Variants in TTC39C observed in about 807,000 individuals in gnomAD.
TTC39C encodes the protein tetratricopeptide repeat domain 39C.
TTC39C carries 33 observed loss-of-function variants against 76.3 expected under a neutral mutation model. That is an observed-to-expected ratio of 0.43 (90% CI 0.33 to 0.58). TTC39C has a LOEUF of 0.58. Among genes scored for constraint, TTC39C ranks in the 20% least tolerant of loss-of-function variants. The pLI is 0.04. For missense variants in TTC39C, 595 were observed against 701.4 expected (o/e 0.85, Z 1.71); for synonymous variants, 254 against 260.6 (o/e 0.97, Z 0.24).
At chr18:24,023,618 G>C (rs547336528) in intron 1 of TTC39C, among the ~76,000 whole-genome samples, 7 of 152,104 alleles carry the variant, frequency 4.6e-5, no homozygotes, top group Middle Eastern at 6.8e-3. Flanking sequence ...GTACCCCTAG[G>C]GGGTGGTGCT....
intron 1 of TTC39C, chr18:24,022,983 C>A: frequency 1.5e-6 from 1 of 667,138 alleles, no homozygotes; most frequent in Non-Finnish European, 1.9e-6. Flanking sequence ...ATCTGCCTGT[C>A]TGCATGAGAG....
At chr18:24,043,262 T>C (rs1246760039) in intron 1 of TTC39C, among the ~76,000 whole-genome samples, 1 of 152,270 alleles carries the variant, frequency 6.6e-6, no homozygotes, top group African/African-American at 2.4e-5. Flanking sequence ...TTTGGGAGGC[T>C]GAGGTGGGAG....
intron 4 of TTC39C, among the ~76,000 whole-genome samples, chr18:24,075,747 C>T (rs770564559): frequency 5.3e-5 from 8 of 151,708 alleles, no homozygotes; most frequent in Non-Finnish European, 1.2e-4. Flanking sequence ...AAAGGCAAGC[C>T]TGAATTGCCA....
chr18:24,070,341 CCTTA>C (rs1432421929), intron 4 of TTC39C, among the ~76,000 whole-genome samples: 16 of 152,158 alleles, frequency 1.1e-4, no homozygotes, highest in African/African-American at 3.9e-4. Context: ...TCTAACAATA[CCTTA>C]CTTATATGGT....
At chr18:24,063,657 A>G (rs2084129178) in intron 1 of TTC39C, among the ~76,000 whole-genome samples, 1 of 151,532 alleles carries the variant, frequency 6.6e-6, no homozygotes, top group Non-Finnish European at 1.5e-5. Context: ...GGGATTACAG[A>G]CACCCGCCAC....
chr18:24,024,227 G>T (rs2083569683), intron 1 of TTC39C, among the ~76,000 whole-genome samples: 3 of 149,902 alleles, frequency 2.0e-5, no homozygotes, highest in African/African-American at 7.4e-5. Context: ...TGGTCAGGCT[G>T]GTCTTGAACG....
At chr18:24,123,975 C>A in intron 9 of TTC39C, 32 bp downstream of exon 9, 1 of 1,498,770 alleles carries the variant, frequency 6.7e-7, no homozygotes, top group Non-Finnish European at 9.1e-7. Flanking sequence ...TGGTGTATTA[C>A]TTATGATGGG....
At chr18:24,019,460 C>A (rs56709860) in intron 1 of TTC39C, among the ~76,000 whole-genome samples, 1 of 152,072 alleles carries the variant, frequency 6.6e-6, no homozygotes, top group Non-Finnish European at 1.5e-5. Flanking sequence ...TATAAAATGG[C>A]GAAAATGTAT....
intron 9 of TTC39C, among the ~76,000 whole-genome samples, chr18:24,125,046 C>T (rs1194152071): frequency 1.3e-5 from 2 of 152,186 alleles, no homozygotes; most frequent in Non-Finnish European, 2.9e-5. Context: ...GCATGTGCCA[C>T]CATACCCGGC....
intron 1 of TTC39C, among the ~76,000 whole-genome samples, chr18:24,019,481 G>GA (rs2083493544): frequency 6.6e-6 from 1 of 152,158 alleles, no homozygotes; most frequent in South Asian, 2.1e-4. Flanking sequence ...TAAAAAGCAA[G>GA]AAAAATGTAT....
In TTC39C at chr18:24,125,491, T is replaced by G. The variant is rs771463287; in HGVS notation, c.1361T>G (p.Leu454Trp). The G allele has an allele frequency of 1.9e-6, 3 of 1,614,152 alleles. No individual in the cohort carries two copies. The highest frequency in any genetic ancestry group is 4.5e-5 in the East Asian group (2 of 44,890). ...ALCVLASIEV[L>W]YLWKALPNCS... ...TGTGTGTTGGCGTCTATTGAAGTGT[T>G]GTACTTGTGGAAAGCTCTTCCAAAC... is the stretch of plus-strand genomic sequence containing the variant. The change falls in exon 10 of 14, where the codon TTG (leucine) becomes TGG (tryptophan). Residue 454 changes from leucine (L) to tryptophan (W), a missense_variant. By Grantham distance (61) the Leu-to-Trp change is moderately conservative (BLOSUM62 -2). Transcript: ENST00000317571.
At chr18:23,995,304 C>T (rs1469788804) in intron 1 of TTC39C, among the ~76,000 whole-genome samples, 1 of 152,092 alleles carries the variant, frequency 6.6e-6, no homozygotes, top group African/African-American at 2.4e-5. Flanking sequence ...CCCATCTCCA[C>T]TAAAAATACC....
chr18:24,005,981 C>T (rs1377549636), intron 1 of TTC39C, among the ~76,000 whole-genome samples: 2 of 151,676 alleles, frequency 1.3e-5, no homozygotes, highest in East Asian at 1.9e-4. Flanking sequence ...ATGTGTGTGC[C>T]TTCCTTAGGG....
rs541288525 is a variant in TTC39C, at chr18:24,037,509, G to A, written c.167+22471G>A. On this transcript the variant is annotated intron_variant, in intron 1 of 13. Transcript: ENST00000317571. ...TTTATCCCCCATTCTCCAAATGTGT[G>A]GATTCCTTGTGATAGGACATTTGTC... Among the ~76,000 whole-genome samples, 26 of 152,284 alleles carry A rather than the reference G, an allele frequency of 1.7e-4. 1 individual carries two copies. The highest frequency in any genetic ancestry group is 3.3e-4 in the Admixed American group (5 of 15,302).
At chr18:24,114,754 G>A (rs554210530) in intron 7 of TTC39C, 107 bp downstream of exon 7, 4 of 736,596 alleles carry the variant, frequency 5.4e-6, no homozygotes, top group East Asian at 2.7e-5. Context: ...GGTGCCTTCT[G>A]TAGTAAGAAG....
At chr18:24,016,422 T>G (rs1346037950) in intron 1 of TTC39C, among the ~76,000 whole-genome samples, 5 of 152,190 alleles carry the variant, frequency 3.3e-5, no homozygotes. Flanking sequence ...TATGATTCCT[T>G]TTTTAGACTA....
chr18:24,019,206 G>C (rs951061702), intron 1 of TTC39C, among the ~76,000 whole-genome samples: 2 of 152,130 alleles, frequency 1.3e-5, no homozygotes, highest in African/African-American at 4.8e-5. Context: ...CTGATGCTGA[G>C]CCTCCCTCCT....
At chr18:24,016,443 T>C (rs1291973334) in intron 1 of TTC39C, among the ~76,000 whole-genome samples, 1 of 152,198 alleles carries the variant, frequency 6.6e-6, no homozygotes, top group Admixed American at 6.5e-5. Flanking sequence ...CCAGTTTGTG[T>C]CGTATGAGAG....
In TTC39C at chr18:24,071,179, G is replaced by A. The variant is rs544989259; in HGVS notation, c.460+1908G>A. Reference sequence around the variant, plus strand: ...TCTGACCTTGTGATCTGCCTGCCTCGGCCTCCCAAAGTGCTGGCATTACAG... The same window carrying A: ...TCTGACCTTGTGATCTGCCTGCCTCAGCCTCCCAAAGTGCTGGCATTACAG... On this transcript the variant is annotated intron_variant, in intron 4 of 13. Coordinates refer to ENST00000317571, the MANE Select transcript of TTC39C (RefSeq NM_001135993.2). 2.5e-3 allele frequency among the ~76,000 whole-genome samples: 375 copies of A among 152,132 alleles called. 1 individual carries two copies. The highest frequency in any genetic ancestry group is 4.2e-3 in the Non-Finnish European group (283 of 67,988).
Sources: allele counts gnomAD v4.1 joint callset (sites outside exome capture counted in the v4.1 genomes callset), GRCh38; gene constraint gnomAD v4.1.1; transcripts MANE v1.5; gene names NCBI Gene and HGNC (gene_info 2026-07-23, HGNC 2026-07-21).